Variants in POGZ observed in about 807,000 individuals in gnomAD.
POGZ encodes pogo transposable element with ZNF domain.
In POGZ, 17 loss-of-function variants were observed where a neutral mutation model predicts 134.6. The ratio of observed to expected loss-of-function variants is 0.13; its 90% CI spans 0.09 to 0.19. POGZ has a LOEUF of 0.19. Ranked by LOEUF, POGZ falls within the 10% of genes least tolerant of loss-of-function variation. POGZ has a pLI of 1.00. For synonymous variants in POGZ, 693 were observed against 657.1 expected, an observed-to-expected ratio of 1.05 and a Z score of -0.84; for missense variants, 1,306 against 1,769.7, an observed-to-expected ratio of 0.74 and a Z score of 4.70.
chr1:151,424,931 T>C (rs946846417), intron 8 of POGZ, 24 bp downstream of exon 8: 32 of 1,260,856 alleles, frequency 2.5e-5, no homozygotes, highest in Non-Finnish European at 3.4e-5. Flanking sequence ...CCACTTAAGC[T>C]GGATCACAGG....
At chr1:151,458,792 G>T (rs1173641229) in intron 1 of POGZ, among the ~76,000 whole-genome samples, 2 of 145,572 alleles carry the variant, frequency 1.4e-5, no homozygotes, top group Admixed American at 6.8e-5. Flanking sequence ...GGCTGTGTGC[G>T]GGGCCGTGGG....
chr1:151,441,355 C>A (rs1660499458), intron 2 of POGZ, among the ~76,000 whole-genome samples: 1 of 152,170 alleles, frequency 6.6e-6, no homozygotes, highest in African/African-American at 2.4e-5. Flanking sequence ...GCTTACATAG[C>A]ACTAGCAAAC....
chr1:151,442,089 G>A lies in POGZ; in HGVS notation c.116C>T (p.Thr39Ile), dbSNP rs1056366277. Residue 39 changes from threonine to isoleucine, a missense_variant, in exon 2 of 19, where the codon ACT becomes ATT. This residue lies in a region of POGZ where 541 missense variants were observed against 680.5 expected (regional missense o/e 0.80). Transcript: ENST00000271715. ...VVEDYNSVDK[T>I]TTVSVSQQPV... ...AGAAGAGCTTTTGTTACCTGTGGTA[G>A]TTTTATCCACTGAATTATAATCTTC... 1.9e-6 allele frequency: 3 copies of A among 1,598,426 alleles called. No individual in the cohort carries two copies. The highest frequency in any genetic ancestry group is 1.7e-6 in the Non-Finnish European group (2 of 1,166,678).
intron 9 of POGZ, among the ~76,000 whole-genome samples, 153 bp downstream of exon 9, chr1:151,423,796 C>T (rs369209328): frequency 6.6e-6 from 1 of 152,000 alleles, no homozygotes; most frequent in South Asian, 2.1e-4. Context: ...ACCACAATAT[C>T]TCCTTCTATA....
intron 10 of POGZ, among the ~76,000 whole-genome samples, chr1:151,412,785 A>C (rs1005336360): frequency 2.0e-5 from 3 of 152,106 alleles, no homozygotes; most frequent in Non-Finnish European, 4.4e-5. Context: ...CCATTATTTC[A>C]AACTGCATGT....
chr1:151,453,327 A>G (rs1430208370), intron 1 of POGZ, among the ~76,000 whole-genome samples: 1 of 152,018 alleles, frequency 6.6e-6, no homozygotes, highest in African/African-American at 2.4e-5. Flanking sequence ...CTGTACTGCT[A>G]CATTCCACCT....
At chr1:151,443,011 T>C (rs1037656203) in intron 1 of POGZ, among the ~76,000 whole-genome samples, 3 of 151,794 alleles carry the variant, frequency 2.0e-5, no homozygotes, top group African/African-American at 2.4e-5. Context: ...GCCTGGGCAA[T>C]AGAGACTCCG....
At chr1:151,451,818 T>A (rs1174790565) in intron 1 of POGZ, among the ~76,000 whole-genome samples, 1 of 151,432 alleles carries the variant, frequency 6.6e-6, no homozygotes, top group African/African-American at 2.4e-5. Flanking sequence ...AATGTTCGGC[T>A]GGACGCGGTG....
chr1:151,421,839 A>G (rs1225280401), intron 10 of POGZ, among the ~76,000 whole-genome samples: 4 of 152,114 alleles, frequency 2.6e-5, no homozygotes, highest in African/African-American at 7.2e-5. Flanking sequence ...TGCAACCTCT[A>G]CCTCCTGGGA....
intron 10 of POGZ, among the ~76,000 whole-genome samples, chr1:151,416,649 G>C (rs1200201798): frequency 6.7e-6 from 1 of 148,198 alleles, no homozygotes; most frequent in East Asian, 1.9e-4. Context: ...TTTGAGATAG[G>C]GCCTTACTCT....
In POGZ at chr1:151,403,685, T is replaced by C; in HGVS notation, c.*1117A>G. 1 of 985,842 alleles carries C rather than the reference T, an allele frequency of 1.0e-6. No homozygotes were observed. The highest frequency in any genetic ancestry group is 1.2e-6 in the Non-Finnish European group (1 of 829,898). The allele number at this position is 985,842 out of a possible 1,614,324, so 61.1% of individuals were successfully genotyped here. ...CGCTTCTTCCTGTCAGATTCTTCCC[T>C]AAGTATTAAGAGAAATAGGGGAAAG... On this transcript the variant is annotated 3_prime_UTR_variant, in exon 19 of 19. Coordinates refer to ENST00000271715, the MANE Select transcript of POGZ (RefSeq NM_015100.4).
chr1:151,420,825 ATTT>A lies in POGZ; in HGVS notation c.1678+2569_1678+2571del. Among the ~76,000 whole-genome samples the A allele has an allele frequency of 2.0e-5, 3 of 152,206 alleles. No individual in the cohort carries two copies. In the South Asian group the frequency reaches 6.2e-4, roughly 32 times the overall value. On this transcript the variant is annotated intron_variant, in intron 10 of 18. Transcript: ENST00000271715. ...TTAAATTTTGAGTTCATGTTGAAAT[ATTT>A]TTAATATACTGAATAAAATATGCTG... is the stretch of plus-strand genomic sequence containing the variant.
In POGZ at chr1:151,408,449, G is replaced by T; in HGVS notation, c.2194C>A (p.Pro732Thr). The T allele has an allele frequency of 6.3e-7, 1 of 1,594,536 alleles. No homozygotes were observed. The highest frequency in any genetic ancestry group is 1.1e-5 in the South Asian group (1 of 87,530). Residue 732 changes from proline to threonine, a missense_variant, in exon 14 of 19, where the codon CCT becomes ACT. This residue lies in a region of POGZ where 149 missense variants were observed against 237.5 expected (regional missense o/e 0.63). Transcript: ENST00000271715. ...MDPLPVFLYP[P>T]VQRSIQKRAV... Reference sequence around the variant, plus strand: ...CTCTTCTGGATGCTGCGCTGGACAGGGGGATAAAGGAAGACAGGCAGAGGG... The same window carrying T: ...CTCTTCTGGATGCTGCGCTGGACAGTGGGATAAAGGAAGACAGGCAGAGGG...
intron 10 of POGZ, among the ~76,000 whole-genome samples, chr1:151,415,743 T>C (rs1336584729): frequency 6.7e-6 from 1 of 148,358 alleles, no homozygotes; most frequent in Non-Finnish European, 1.5e-5. Context: ...ACAGGAATAA[T>C]AACTAACAGT....
At chr1:151,437,052 G>A (rs1659704721) in intron 3 of POGZ, among the ~76,000 whole-genome samples, 1 of 151,936 alleles carries the variant, frequency 6.6e-6, no homozygotes, top group Non-Finnish European at 1.5e-5. Context: ...AAGTTAGCCG[G>A]GTGTGGTGGC....
intron 10 of POGZ, among the ~76,000 whole-genome samples, chr1:151,420,497 T>G (rs111424687): frequency 6.6e-6 from 1 of 152,126 alleles, no homozygotes; most frequent in African/African-American, 2.4e-5. Flanking sequence ...ATTTTTTTTG[T>G]AGAGACGGGG....
At chr1:151,457,448 C>G (rs1440223818) in intron 1 of POGZ, among the ~76,000 whole-genome samples, 1 of 152,152 alleles carries the variant, frequency 6.6e-6, no homozygotes, top group Non-Finnish European at 1.5e-5. Flanking sequence ...CCAAATTGTA[C>G]GTTTAACCAC....
Position 151,428,046 on chromosome 1 carries a change from G to C in POGZ, c.860-5C>G. ...GTGGAGAGGGGAAGGAGGGAGCTAC[G>C]GTGACCAAGTGATAATCATCTGTTC... On this transcript the variant is annotated splice_region_variant and splice_polypyrimidine_tract_variant and intron_variant, in intron 6 of 18. Transcript: ENST00000271715. The C allele has an allele frequency of 6.2e-7, 1 of 1,614,014 alleles. No individual in the cohort carries two copies.
At chr1:151,418,613 G>A (rs1205273059) in intron 10 of POGZ, among the ~76,000 whole-genome samples, 3 of 152,168 alleles carry the variant, frequency 2.0e-5, no homozygotes, top group Non-Finnish European at 4.4e-5. Context: ...AACACATAGA[G>A]TGATGAATAT....
Sources: allele counts gnomAD v4.1 joint callset (sites outside exome capture counted in the v4.1 genomes callset), GRCh38; gene constraint gnomAD v4.1.1; regional missense constraint gnomAD v4.1.1; transcripts MANE v1.5; gene names NCBI Gene and HGNC (gene_info 2026-07-23, HGNC 2026-07-21).